Variants in TRAPPC10 observed in about 807,000 individuals in gnomAD.
TRAPPC10 encodes TRAPP 130 kDa subunit.
In TRAPPC10, 23 loss-of-function variants were observed where a neutral mutation model predicts 125.5. The ratio of observed to expected loss-of-function variants is 0.18; its 90% confidence interval spans 0.13 to 0.26. The LOEUF (loss-of-function observed/expected upper bound fraction) is 0.26. Among genes scored for constraint, TRAPPC10 ranks in the 10% least tolerant of loss-of-function variants. TRAPPC10 has a pLI of 1.00. For synonymous variants in TRAPPC10, 509 were observed against 518.0 expected, an observed-to-expected ratio of 0.98 and a Z score of 0.24; for missense variants, 1,123 against 1,308.4, an observed-to-expected ratio of 0.86 and a Z score of 2.19.
chr21:44,015,979 G>T (rs2031796361), intron 1 of TRAPPC10, among the ~76,000 whole-genome samples: 1 of 152,220 alleles, frequency 6.6e-6, no homozygotes, highest in African/African-American at 2.4e-5. Context: ...TGTGAAGAGG[G>T]ACTAGCACAG....
At chr21:44,086,703 C>G in intron 15 of TRAPPC10, 99 bp from the exon 16 acceptor site, 1 of 1,310,052 alleles carries the variant, frequency 7.6e-7, no homozygotes, top group Non-Finnish European at 1.1e-6. Flanking sequence ...GCAAATCTTT[C>G]ATAGTAAAAG....
chr21:44,016,607 T>C (rs1349757481), intron 1 of TRAPPC10, among the ~76,000 whole-genome samples: 1 of 152,220 alleles, frequency 6.6e-6, no homozygotes, highest in Non-Finnish European at 1.5e-5. Context: ...ATGTAGAGCT[T>C]CGTGTCTGGT....
intron 4 of TRAPPC10, among the ~76,000 whole-genome samples, chr21:44,053,911 C>T (rs954863122): frequency 6.0e-5 from 8 of 133,926 alleles, no homozygotes; most frequent in African/African-American, 1.5e-4. Flanking sequence ...TTCTTTTTTA[C>T]TTAAAAAAAA....
chr21:44,091,884 T>C, intron 18 of TRAPPC10, 39 bp from the exon 19 acceptor site: 1 of 1,597,568 alleles, frequency 6.3e-7, no homozygotes, highest in Non-Finnish European at 8.6e-7. Flanking sequence ...AATAAAGTTC[T>C]TACATATCAA....
chr21:44,089,927 G>A lies in TRAPPC10; in HGVS notation c.2864G>A (p.Gly955Glu). 1 of 1,613,168 alleles carries A rather than the reference G, an allele frequency of 6.2e-7. No individual in the cohort carries two copies. The highest frequency in any genetic ancestry group is 8.5e-7 in the Non-Finnish European group (1 of 1,179,312). Reference protein sequence around the residue: ...FRTTHSLLSSGTRKYVQVCVQ... With the variant: ...FRTTHSLLSSETRKYVQVCVQ... ...ACCACACACAGCCTCCTGTCCTCAG[G>A]AACACGGTAACGGAGGCGTAGCGTG... The change falls in exon 18 of 23, where the codon GGA (glycine) becomes GAA (glutamate). Residue 955 changes from glycine (G) to glutamate (E), a missense_variant. Physicochemically the swap from Gly to Glu is moderately conservative, Grantham distance 98. Around this residue, in one of 4 missense-constraint regions of TRAPPC10, gnomAD observed 840 missense variants for 902.0 expected, o/e 0.93. Coordinates refer to ENST00000291574, the MANE Select transcript of TRAPPC10 (RefSeq NM_003274.5).
intron 7 of TRAPPC10, 107 bp from the exon 8 acceptor site, chr21:44,074,217 G>T (rs1018284032): frequency 2.2e-6 from 3 of 1,392,610 alleles, no homozygotes; most frequent in Admixed American, 1.9e-5. Context: ...TGAGGTGGCT[G>T]CTTGAAGGAT....
intron 13 of TRAPPC10, among the ~76,000 whole-genome samples, chr21:44,081,957 C>G (rs567603152): frequency 3.3e-5 from 5 of 152,132 alleles, no homozygotes; most frequent in Non-Finnish European, 2.9e-5. Flanking sequence ...GAGTCTTTAA[C>G]GCGCCCAAGC....
In TRAPPC10 at chr21:44,082,217, C is replaced by T. The variant is rs1015409602; in HGVS notation, c.1724-571C>T. Among the ~76,000 whole-genome samples, 1 of 152,178 alleles carries T rather than the reference C, an allele frequency of 6.6e-6. No homozygotes were observed. Among genetic ancestry groups the T allele is most frequent in the Non-Finnish European group, 1.5e-5 (1 of 68,022 alleles). ...AGACAAAACCAAGGTACTTACAGTT[C>T]GGTCAGAGAGAGAAGGGCCCAGAGA... On this transcript the variant is annotated intron_variant, in intron 13 of 22. Coordinates refer to ENST00000291574, the MANE Select transcript of TRAPPC10 (RefSeq NM_003274.5). This position sits in a 1 kb window ranked among gnomAD's most constrained non-coding sequence, Gnocchi z 4.4.
chr21:44,068,607 A>AT (rs1249066944), intron 7 of TRAPPC10, among the ~76,000 whole-genome samples: 3 of 151,962 alleles, frequency 2.0e-5, no homozygotes, highest in Non-Finnish European at 4.4e-5. Context: ...GGTAGATTTT[A>AT]TTTTTTATTA....
intron 7 of TRAPPC10, among the ~76,000 whole-genome samples, chr21:44,065,233 GTAA>G (rs1030409269): frequency 6.6e-6 from 1 of 152,180 alleles, no homozygotes; most frequent in Non-Finnish European, 1.5e-5. Flanking sequence ...AAATGTGTAA[GTAA>G]TAGAGGGTGT....
At chr21:44,076,835 C>A (rs1241630096) in intron 10 of TRAPPC10, among the ~76,000 whole-genome samples, 7 of 152,098 alleles carry the variant, frequency 4.6e-5, no homozygotes, top group Non-Finnish European at 8.8e-5. Flanking sequence ...CCATGCTAGG[C>A]ATGGAATCAT....
chr21:44,070,301 A>G (rs7281768), intron 7 of TRAPPC10, among the ~76,000 whole-genome samples: 52,578 of 152,112 alleles, frequency 0.35, 12,578 homozygotes, highest in African/African-American at 0.68. Flanking sequence ...AGGAGGAGGG[A>G]CTTTAAGGAA....
intron 3 of TRAPPC10, chr21:44,046,746 G>A (rs1007489957): frequency 1.0e-5 from 4 of 397,844 alleles, no homozygotes; most frequent in African/African-American, 2.1e-5. Context: ...AACCTCAGGC[G>A]ATCCTCCTGC....
intron 1 of TRAPPC10, among the ~76,000 whole-genome samples, chr21:44,017,664 G>C (rs899608857): frequency 1.3e-5 from 2 of 151,682 alleles, no homozygotes; most frequent in African/African-American, 2.4e-5. Flanking sequence ...TGTGCTACGT[G>C]GGGGGCAGGC....
At chr21:44,080,717 T>C (rs2037642945) in intron 13 of TRAPPC10, among the ~76,000 whole-genome samples, 1 of 152,082 alleles carries the variant, frequency 6.6e-6, no homozygotes, top group Non-Finnish European at 1.5e-5. Context: ...TTTTGTATTT[T>C]TAGTAGAGAC....
rs1403221676 is a variant in TRAPPC10, at chr21:44,074,449, A to C, written c.1164A>C (p.Leu388=). The C allele has an allele frequency of 6.2e-7, 1 of 1,614,224 alleles. No homozygotes were observed. The highest frequency in any genetic ancestry group is 8.5e-7 in the Non-Finnish European group (1 of 1,180,030). ...CAAACATTGCCCACACTGTGGGGCT[A>C]TGGAGCTATGCCACAGAAAAGGTGC... ...IDSNIAHTVG[L]WSYATEKLKS... is the part of the protein sequence containing the mutation. Residue 388 remains leucine (L), a synonymous_variant, in exon 8 of 23, where the codon CTA becomes CTC. Transcript: ENST00000291574.
chr21:44,072,956 A>T (rs1601753700), intron 7 of TRAPPC10, among the ~76,000 whole-genome samples: 1 of 152,198 alleles, frequency 6.6e-6, no homozygotes, highest in East Asian at 1.9e-4. Context: ...GGTTTGACTG[A>T]TGAGGACGCT....
chr21:44,026,736 A>C (rs1360346968), intron 1 of TRAPPC10, among the ~76,000 whole-genome samples: 2 of 152,242 alleles, frequency 1.3e-5, no homozygotes, highest in African/African-American at 4.8e-5. Context: ...CCTTAAAATT[A>C]GTTCATCTCT....
intron 15 of TRAPPC10, among the ~76,000 whole-genome samples, chr21:44,086,104 G>A (rs566161877): frequency 4.6e-5 from 7 of 152,278 alleles, no homozygotes; most frequent in South Asian, 2.1e-4. Context: ...CTCGATTCCC[G>A]CAGGGGAGCC....
Sources: gnomAD v4.1 joint callset for allele counts (sites outside exome capture counted in the v4.1 genomes callset) on GRCh38, gnomAD v4.1.1 for gene constraint, gnomAD v4.1.1 regional missense constraint, Gnocchi (gnomAD v3.1) non-coding constraint, MANE v1.5 for transcripts, NCBI Gene and HGNC (gene_info 2026-07-23, HGNC 2026-07-21) for gene names.